The following SPMIP7 variants were observed in gnomAD, a reference collection of about 807,000 sequenced individuals.
SPMIP7 encodes the protein protein SPMIP7.
At chr7:50,119,923 T>C in the SPMIP7 span, among the ~76,000 whole-genome samples, 1 of 152,086 alleles carries the variant, frequency 6.6e-6, no homozygotes, top group Non-Finnish European at 1.5e-5. Flanking sequence ...ACACAGAAAA[T>C]AAATTACTCG....
chr7:50,150,495 A>C, the SPMIP7 span, among the ~76,000 whole-genome samples: 2 of 152,226 alleles, frequency 1.3e-5, no homozygotes, highest in Non-Finnish European at 2.9e-5. Context: ...ATGGTAGGCT[A>C]TTACACAGAG....
the SPMIP7 span, among the ~76,000 whole-genome samples, chr7:50,101,099 G>A: frequency 6.6e-6 from 1 of 152,196 alleles, no homozygotes; most frequent in Non-Finnish European, 1.5e-5. Context: ...AATTCACCCT[G>A]TTCCTGTGTG....
chr7:50,096,356 C>T, the SPMIP7 span: 2 of 1,552,148 alleles, frequency 1.3e-6, no homozygotes, highest in African/African-American at 2.7e-5. Context: ...ATATGGGCCA[C>T]ATTATCCATT....
At chr7:50,132,025 C>T in the SPMIP7 span, among the ~76,000 whole-genome samples, 2 of 152,036 alleles carry the variant, frequency 1.3e-5, no homozygotes, top group Non-Finnish European at 2.9e-5. Flanking sequence ...ATACCCATGA[C>T]CAAACATAGT....
At chr7:50,117,009 G>A in the SPMIP7 span, among the ~76,000 whole-genome samples, 77 of 152,134 alleles carry the variant, frequency 5.1e-4, no homozygotes, top group African/African-American at 1.9e-3. Context: ...AATAAGAGGC[G>A]TTCTCAAGCT....
the SPMIP7 span, among the ~76,000 whole-genome samples, chr7:50,115,571 T>C: frequency 6.6e-6 from 1 of 152,134 alleles, no homozygotes; most frequent in Non-Finnish European, 1.5e-5. Flanking sequence ...TGTTCTCGGA[T>C]TGCAACAAAA....
the SPMIP7 span, among the ~76,000 whole-genome samples, chr7:50,149,432 A>G: frequency 6.6e-6 from 1 of 152,176 alleles, no homozygotes. Context: ...AGTGCCCCTA[A>G]GAGGTTAGTG....
chr7:50,142,158 T>C, the SPMIP7 span: 1 of 152,158 alleles, frequency 6.6e-6, no homozygotes, highest in Non-Finnish European at 1.5e-5. Flanking sequence ...ATAATAATTC[T>C]AAAAATCTAA....
chr7:50,139,893 T>C, the SPMIP7 span, among the ~76,000 whole-genome samples: 2 of 152,208 alleles, frequency 1.3e-5, no homozygotes, highest in African/African-American at 2.4e-5. Flanking sequence ...ACAATATAAA[T>C]GAATCTGAAA....
the SPMIP7 span, among the ~76,000 whole-genome samples, chr7:50,125,311 CATATATACATATATACACAT>C: frequency 1.4e-4 from 9 of 66,618 alleles, no homozygotes; most frequent in East Asian, 1.6e-3. Flanking sequence ...TATATATACC[CATATATACATATATACACAT>C]ATATATACAT....
the SPMIP7 span, chr7:50,151,532 C>G: frequency 6.4e-7 from 1 of 1,551,326 alleles, no homozygotes; most frequent in South Asian, 1.2e-5. Context: ...ATCAACAACC[C>G]CATCACCAGA....
the SPMIP7 span, among the ~76,000 whole-genome samples, chr7:50,101,847 A>G: frequency 1.3e-5 from 2 of 152,186 alleles, no homozygotes; most frequent in Non-Finnish European, 2.9e-5. Flanking sequence ...GGGATTCAGC[A>G]TTCCTTTCCT....
the SPMIP7 span, among the ~76,000 whole-genome samples, chr7:50,103,964 T>C: frequency 6.6e-6 from 1 of 152,226 alleles, no homozygotes; most frequent in South Asian, 2.1e-4. Flanking sequence ...TTTTAGGACT[T>C]CTAATCTATC....
chr7:50,124,277 A>G, the SPMIP7 span, among the ~76,000 whole-genome samples: 1 of 152,134 alleles, frequency 6.6e-6, no homozygotes, highest in African/African-American at 2.4e-5. Flanking sequence ...GAGATACACA[A>G]TTCCACTGAT....
At chr7:50,151,303 C>T in the SPMIP7 span, 1 of 645,814 alleles carries the variant, frequency 1.5e-6, no homozygotes, top group Admixed American at 2.9e-5. Flanking sequence ...TTTTGGACAG[C>T]CCAAGTTCCA....
the SPMIP7 span, among the ~76,000 whole-genome samples, chr7:50,149,446 T>C: frequency 6.6e-6 from 1 of 152,236 alleles, no homozygotes; most frequent in African/African-American, 2.4e-5. Context: ...GTTAGTGTTG[T>C]CCTCTTCATG....
the SPMIP7 span, among the ~76,000 whole-genome samples, chr7:50,148,484 C>T: frequency 6.6e-6 from 1 of 152,156 alleles, no homozygotes; most frequent in Non-Finnish European, 1.5e-5. Flanking sequence ...ACTTTAGAGG[C>T]ATTTTAATTC....
the SPMIP7 span, among the ~76,000 whole-genome samples, chr7:50,133,372 G>A: frequency 2.6e-5 from 4 of 152,118 alleles, no homozygotes; most frequent in Non-Finnish European, 5.9e-5. Flanking sequence ...TTAGGAGGCA[G>A]ATTATTTTTG....
chr7:50,112,452 G>A, the SPMIP7 span, among the ~76,000 whole-genome samples: 50 of 152,160 alleles, frequency 3.3e-4, no homozygotes, highest in Non-Finnish European at 5.6e-4. Flanking sequence ...GATGCCAGTA[G>A]CACCCTTCCC....
Sources: allele counts gnomAD v4.1 joint callset (sites outside exome capture counted in the v4.1 genomes callset), GRCh38; gene constraint gnomAD v4.1.1; transcripts MANE v1.5; gene names NCBI Gene and HGNC (gene_info 2026-07-23, HGNC 2026-07-21).